Variants in ANK3 observed in about 807,000 individuals in gnomAD.
ANK3 encodes the protein ankyrin 3.
ANK3 carries 57 observed loss-of-function variants against 370.9 expected under a neutral mutation model. The observed-to-expected ratio is 0.15, with a 90% CI of 0.12 to 0.19. The LOEUF is 0.19. Among genes scored for constraint, ANK3 ranks in the 10% least tolerant of loss-of-function variants. The pLI, the probability that ANK3 is intolerant of heterozygous loss-of-function variation, is 1.00. For synonymous variants in ANK3, 1,929 were observed against 1,946.3 expected, an observed-to-expected ratio of 0.99 and a Z score of 0.23; for missense variants, 4,439 against 5,302.1, an observed-to-expected ratio of 0.84 and a Z score of 5.06.
intron 43 of ANK3, among the ~76,000 whole-genome samples, chr10:60,032,416 C>T (rs966574320): frequency 1.3e-5 from 2 of 151,824 alleles, no homozygotes; most frequent in Non-Finnish European, 2.9e-5. Flanking sequence ...CCATGTTGGC[C>T]AGGCTAGTCT....
In ANK3 at chr10:60,697,920, A is replaced by C. The variant is rs552695353; in HGVS notation, c.57+35343T>G. Among the ~76,000 whole-genome samples, 301 of 151,816 alleles carry C rather than the reference A, an allele frequency of 2.0e-3. 1 individual carries two copies. The highest frequency in any genetic ancestry group is 6.9e-3 in the African/African-American group (285 of 41,474). ...TTGACAAATGGGATCTAATTAAACT[A>C]AAGAGCTTCTGCACAGCAAAAGAAA... is the stretch of plus-strand genomic sequence containing the variant. On this transcript the variant is annotated intron_variant, in intron 1 of 43. Transcript: ENST00000373827.
chr10:60,353,939 C>T (rs1273333607), intron 1 of ANK3, among the ~76,000 whole-genome samples: 1 of 152,220 alleles, frequency 6.6e-6, no homozygotes, highest in African/African-American at 2.4e-5. Flanking sequence ...AGCCTGTGAC[C>T]AGGCACGAAA....
At chr10:60,525,695 G>C (rs948199134) in intron 2 of ANK3, among the ~76,000 whole-genome samples, 12 of 151,962 alleles carry the variant, frequency 7.9e-5, no homozygotes, top group Non-Finnish European at 1.6e-4. Flanking sequence ...ATGTATTTTG[G>C]TCCTATCTGT....
At chr10:60,094,240 T>G (rs2089540094) in intron 28 of ANK3, among the ~76,000 whole-genome samples, 1 of 146,344 alleles carries the variant, frequency 6.8e-6, no homozygotes, top group Non-Finnish European at 1.5e-5. Flanking sequence ...TAGGATAGAG[T>G]GCAGTGGTAT....
intron 1 of ANK3, chr10:60,684,889 G>A (rs1455905912): frequency 6.7e-7 from 1 of 1,490,918 alleles, no homozygotes; most frequent in Admixed American, 1.8e-5. Flanking sequence ...AGGAGTCCCT[G>A]TACTTACAGT....
At chr10:60,114,365 A>C (rs757010222) in intron 25 of ANK3, 34 bp from the exon 26 acceptor site, 2 of 1,217,956 alleles carry the variant, frequency 1.6e-6, no homozygotes, top group South Asian at 2.5e-5. Context: ...AATTACATCA[A>C]CAAACCATAC....
At chr10:60,699,291 A>T (rs889895812) in intron 1 of ANK3, among the ~76,000 whole-genome samples, 35 of 151,424 alleles carry the variant, frequency 2.3e-4, no homozygotes, top group East Asian at 9.6e-4. Flanking sequence ...TAAATAGATT[A>T]AAAAAAAGAT....
Position 60,279,092 on chromosome 10 carries a change from A to G in ANK3, c.273T>C (p.Ser91=), listed in dbSNP as rs772746454. Reference sequence around the variant, plus strand: ...CATTGGCTTCTCTCTGCAGCAGCTCAGAAACAACCTCTACATGGCCTTCTT... The same window carrying G: ...CATTGGCTTCTCTCTGCAGCAGCTCGGAAACAACCTCTACATGGCCTTCTT... The part of the protein sequence containing the change: ...ASKEGHVEVV[S]ELLQREANVD... The change falls in exon 3 of 44, where the codon TCT becomes TCC. Residue 91 remains serine (S), a synonymous_variant. Transcript: ENST00000280772. 2.4e-5 allele frequency: 39 copies of G among 1,614,012 alleles called. No homozygotes were observed. Among genetic ancestry groups the G allele is most frequent in the Non-Finnish European group, 3.1e-5 (36 of 1,179,938 alleles).
chr10:60,334,182 T>C, intron 1 of ANK3, among the ~76,000 whole-genome samples: 1 of 152,174 alleles, frequency 6.6e-6, no homozygotes, highest in Non-Finnish European at 1.5e-5. Flanking sequence ...TATCTTATAC[T>C]TTTTCCCCTA....
At chr10:60,121,554 T>C (rs1474960710) in intron 25 of ANK3, among the ~76,000 whole-genome samples, 1 of 151,492 alleles carries the variant, frequency 6.6e-6, no homozygotes, top group East Asian at 1.9e-4. Context: ...GAGCCAAGCG[T>C]GGTGGTGTGT....
At chr10:60,037,477 G>C (rs971412401) in intron 43 of ANK3, among the ~76,000 whole-genome samples, 1 of 152,042 alleles carries the variant, frequency 6.6e-6, no homozygotes, top group Admixed American at 6.6e-5. Context: ...CCCAGTGTCT[G>C]TTTTTTCCCT....
chr10:60,263,437 G>A (rs866777180), intron 6 of ANK3, among the ~76,000 whole-genome samples: 3 of 152,156 alleles, frequency 2.0e-5, no homozygotes, highest in East Asian at 3.8e-4. Context: ...GCTGATCTAC[G>A]CTCAGTGCCT....
intron 23 of ANK3, chr10:60,140,730 G>A (rs2094523752): frequency 2.6e-6 from 3 of 1,152,572 alleles, no homozygotes; most frequent in South Asian, 3.1e-5. Context: ...ACAGAATGGT[G>A]ACATAAATGC....
intron 1 of ANK3, among the ~76,000 whole-genome samples, chr10:60,703,614 ATC>A (rs2133420869): frequency 6.6e-6 from 1 of 152,364 alleles, no homozygotes; most frequent in South Asian, 2.1e-4. Context: ...ATGCTACAGA[ATC>A]TAAAAAGAAA....
intron 1 of ANK3, among the ~76,000 whole-genome samples, chr10:60,338,681 G>A (rs183049701): frequency 4.1e-4 from 62 of 152,274 alleles, no homozygotes; most frequent in Middle Eastern, 3.4e-3. Context: ...TAAGGTAGAG[G>A]AGACTGGGCT....
chr10:60,135,200 C>T (rs572487803), intron 24 of ANK3, among the ~76,000 whole-genome samples: 47 of 152,182 alleles, frequency 3.1e-4, no homozygotes, highest in Non-Finnish European at 5.7e-4. Flanking sequence ...GTCATACAGG[C>T]AAAGACCGGA....
chr10:60,159,014 A>G lies in ANK3; in HGVS notation c.2614+7577T>C, dbSNP rs181466756. On this transcript the variant is annotated intron_variant, in intron 23 of 43. Coordinates refer to ENST00000280772, the MANE Select transcript of ANK3 (RefSeq NM_020987.5). Reference sequence around the variant, plus strand: ...CACTTTTATACAAAGAAAGACAAGAAGGAAGAAAGGAAGAGAGGACAAACA... The same window carrying G: ...CACTTTTATACAAAGAAAGACAAGAGGGAAGAAAGGAAGAGAGGACAAACA... Among the ~76,000 whole-genome samples, 7 of 152,282 alleles carry G rather than the reference A, an allele frequency of 4.6e-5. No individual in the cohort carries two copies. In the East Asian group the frequency reaches 1.4e-3, roughly 29 times the overall value.
chr10:60,439,796 C>T (rs1169107758), intron 2 of ANK3, among the ~76,000 whole-genome samples: 2 of 152,176 alleles, frequency 1.3e-5, no homozygotes, highest in Non-Finnish European at 2.9e-5. Flanking sequence ...AAAAGCATTG[C>T]TTCCAATGAC....
At chr10:60,393,717 ACT>A (rs1429496530), upstream of ANK3, among the ~76,000 whole-genome samples, 1 of 152,100 alleles carries the variant, frequency 6.6e-6, no homozygotes, top group Non-Finnish European at 1.5e-5. Flanking sequence ...TAACTTGACT[ACT>A]CTCTCTTGTC....
Sources: allele counts gnomAD v4.1 joint callset (sites outside exome capture counted in the v4.1 genomes callset), GRCh38; gene constraint gnomAD v4.1.1; transcripts MANE v1.5; gene names NCBI Gene and HGNC (gene_info 2026-07-23, HGNC 2026-07-21).